Variants in KCNJ6 observed in about 807,000 individuals in gnomAD.
KCNJ6 encodes potassium inwardly rectifying channel subfamily J member 6, also known as G protein-activated inward rectifier potassium channel 2.
A neutral mutation model predicts 34.2 loss-of-function variants in KCNJ6; 9 were observed. That is an observed-to-expected ratio of 0.26 (90% CI 0.16 to 0.46). The LOEUF (loss-of-function observed/expected upper bound fraction) is 0.46, where lower values mean the gene tolerates loss of function less well. Ranked by LOEUF, KCNJ6 falls within the 20% of genes least tolerant of loss-of-function variation. The pLI is 1.00. For missense variants in KCNJ6, 236 were observed against 531.3 expected (o/e 0.44, Z 5.46); for synonymous variants, 196 against 207.1 (o/e 0.95, Z 0.46).
At chr21:37,786,981 C>T (rs2055195724) in intron 2 of KCNJ6, among the ~76,000 whole-genome samples, 1 of 152,192 alleles carries the variant, frequency 6.6e-6, no homozygotes, top group Non-Finnish European at 1.5e-5. Context: ...CTCCTCTGAG[C>T]CCCTCACAGA....
At chr21:37,778,270 G>A (rs62221968) in intron 2 of KCNJ6, among the ~76,000 whole-genome samples, 30,700 of 151,912 alleles carry the variant, frequency 0.2, 3,479 homozygotes, top group South Asian at 0.26. Flanking sequence ...TCCCCAACCC[G>A]TTGCTACTTT....
At chr21:37,693,739 A>G (rs2835894) in intron 3 of KCNJ6, among the ~76,000 whole-genome samples, 44,974 of 152,164 alleles carry the variant, frequency 0.3, 7,088 homozygotes, top group Middle Eastern at 0.37. Context: ...ATTAAATGGT[A>G]ACACTTTGAT....
intron 2 of KCNJ6, among the ~76,000 whole-genome samples, chr21:37,832,297 C>T (rs1422715104): frequency 1.3e-5 from 2 of 151,470 alleles, no homozygotes; most frequent in African/African-American, 4.9e-5. Flanking sequence ...TAAAAAGCAC[C>T]ATCTAGTGGG....
rs564747565 is a variant in KCNJ6 at position 37,769,497 on chromosome 21, T to C, written c.26-54366A>G. The stretch of plus-strand genomic sequence containing the variant: ...TTATTTTCAAACTCAACATAGGCAA[T>C]ATATAAAAGCTAAGCCACTCTGGAT... On this transcript the variant is annotated intron_variant, in intron 2 of 3. Coordinates refer to ENST00000609713, the MANE Select transcript of KCNJ6 (RefSeq NM_002240.5). Among the ~76,000 whole-genome samples, 33 of 151,362 alleles carry C rather than the reference T, an allele frequency of 2.2e-4. 1 individual carries two copies. The highest frequency in any genetic ancestry group is 3.3e-4 in the Admixed American group (5 of 15,208).
intron 3 of KCNJ6, among the ~76,000 whole-genome samples, chr21:37,710,063 G>GAA (rs35973165): frequency 2.0e-5 from 3 of 149,642 alleles, no homozygotes; most frequent in Non-Finnish European, 3.0e-5. Context: ...AAACTTATTG[G>GAA]AAAAAAAAAC....
intron 2 of KCNJ6, among the ~76,000 whole-genome samples, chr21:37,746,577 A>G (rs1376791099): frequency 6.6e-6 from 1 of 152,176 alleles, no homozygotes; most frequent in African/African-American, 2.4e-5. Flanking sequence ...TAACTTGCCT[A>G]GGGTGTTTGA....
chr21:37,771,727 G>A (rs1025064413), intron 2 of KCNJ6, among the ~76,000 whole-genome samples: 1 of 152,154 alleles, frequency 6.6e-6, no homozygotes, highest in Non-Finnish European at 1.5e-5. Flanking sequence ...CTAATTTCTA[G>A]TGAATGATTT....
chr21:37,645,294 G>A (rs1370562418), intron 3 of KCNJ6, among the ~76,000 whole-genome samples: 3 of 152,060 alleles, frequency 2.0e-5, no homozygotes, highest in East Asian at 3.9e-4. Flanking sequence ...GAACCCCAGA[G>A]GTCGAGGCTG....
intron 3 of KCNJ6, among the ~76,000 whole-genome samples, chr21:37,710,883 A>T (rs2054748308): frequency 6.6e-6 from 1 of 152,156 alleles, no homozygotes; most frequent in South Asian, 2.1e-4. Flanking sequence ...AGACACAGCC[A>T]ACTCCTAGAT....
chr21:37,820,503 A>G (rs2055368629), intron 2 of KCNJ6, among the ~76,000 whole-genome samples: 1 of 152,134 alleles, frequency 6.6e-6, no homozygotes, highest in Non-Finnish European at 1.5e-5. Context: ...TTTGCACTGC[A>G]TTTGGATGAC....
rs199893641 is a variant in KCNJ6, at chr21:37,715,030, G to C, written c.127C>G (p.His43Asp). The C allele has an allele frequency of 2.5e-6, 4 of 1,614,190 alleles. No homozygotes were observed. The African/African-American group carries it at 5.3e-5, about 22-fold the overall frequency. ...CTTTTGGTCCGATCTCGGCTGATGT[G>C]TCTTGGCAGGTCATCCCTGGCCTGC... is the stretch of plus-strand genomic sequence containing the variant. ...PKQARDDLPR[H>D]ISRDRTKRKI... The change falls in exon 3 of 4, where the codon CAC (histidine) becomes GAC (aspartate). Residue 43 changes from histidine to aspartate, a missense_variant. His to Asp is a moderately conservative substitution (Grantham distance 81). Coordinates refer to ENST00000609713, the MANE Select transcript of KCNJ6 (RefSeq NM_002240.5).
chr21:37,745,766 G>C (rs1024551788), intron 2 of KCNJ6, among the ~76,000 whole-genome samples: 1 of 152,180 alleles, frequency 6.6e-6, no homozygotes, highest in Non-Finnish European at 1.5e-5. Flanking sequence ...GGGTACAGGG[G>C]TGAATAAAGA....
chr21:37,655,251 G>C (rs879634176), intron 3 of KCNJ6, among the ~76,000 whole-genome samples: 1 of 135,112 alleles, frequency 7.4e-6, no homozygotes, highest in African/African-American at 3.0e-5. Flanking sequence ...GAGAGAGAGA[G>C]AGAGAGAGAG....
At chr21:37,811,897 C>T (rs1026588544) in intron 2 of KCNJ6, among the ~76,000 whole-genome samples, 7 of 152,140 alleles carry the variant, frequency 4.6e-5, no homozygotes, top group Admixed American at 3.3e-4. Flanking sequence ...ATGGGAAACA[C>T]ACCAGAAGAC....
At chr21:37,666,751 A>G (rs966266978) in intron 3 of KCNJ6, among the ~76,000 whole-genome samples, 1 of 151,932 alleles carries the variant, frequency 6.6e-6, no homozygotes, top group African/African-American at 2.4e-5. Flanking sequence ...TCAGATTGTT[A>G]CTGTGTCTGT....
At chr21:37,696,442 G>A (rs2054663828) in intron 3 of KCNJ6, among the ~76,000 whole-genome samples, 1 of 152,078 alleles carries the variant, frequency 6.6e-6, no homozygotes, top group African/African-American at 2.4e-5. Flanking sequence ...ATCTAATCAT[G>A]AAAAGAACAT....
chr21:37,788,425 T>C (rs551816239), intron 2 of KCNJ6, among the ~76,000 whole-genome samples: 1 of 152,324 alleles, frequency 6.6e-6, no homozygotes, highest in Non-Finnish European at 1.5e-5. Context: ...CCACATTTGC[T>C]CAGCATACTT....
rs1010683735 is a variant in KCNJ6 at position 37,675,460 on chromosome 21, G to C, written c.946+38751C>G. ...GTACGGTGCGGGTTTCTGGTGCGCT[G>C]ACCGCGCTGGGGATGAGCACCACTG... On this transcript the variant is annotated intron_variant, in intron 3 of 3. Transcript: ENST00000609713. The surrounding 1 kb of genome is among the most constrained non-coding windows in gnomAD (Gnocchi z 4.2). 5.3e-5 allele frequency among the ~76,000 whole-genome samples: 8 copies of C among 152,088 alleles called. No homozygotes were observed. The highest frequency in any genetic ancestry group is 8.8e-5 in the Non-Finnish European group (6 of 68,018).
At chr21:37,835,882 G>C (rs1057150273) in intron 2 of KCNJ6, among the ~76,000 whole-genome samples, 9 of 152,172 alleles carry the variant, frequency 5.9e-5, no homozygotes, top group Non-Finnish European at 1.2e-4. Flanking sequence ...ATGGGCTTCT[G>C]GTAGTCTAAG....
Sources: gnomAD v4.1 joint callset for allele counts (sites outside exome capture counted in the v4.1 genomes callset) on GRCh38, gnomAD v4.1.1 for gene constraint, Gnocchi (gnomAD v3.1) non-coding constraint, MANE v1.5 for transcripts, NCBI Gene and HGNC (gene_info 2026-07-23, HGNC 2026-07-21) for gene names.